ZFP62: variants seen among roughly 807,000 people sequenced by gnomAD.
ZFP62 encodes ZFP62 zinc finger protein, also known as zinc finger protein 62 homolog.
Under a neutral mutation model 56.4 loss-of-function variants are expected in ZFP62, and 44 were observed. The observed-to-expected ratio is 0.78, with a 90% CI of 0.61 to 1.00. The LOEUF (loss-of-function observed/expected upper bound fraction) is 1.00. Ranked by LOEUF, ZFP62 falls within the 50% of genes least tolerant of loss-of-function variation. The probability of loss-of-function intolerance (pLI) is 0.00; values close to 1 mark genes in which losing one functional copy is unlikely to be tolerated. For missense variants in ZFP62, 1,030 were observed against 1,085.7 expected (o/e 0.95, Z 0.72); for synonymous variants, 421 against 388.9 (o/e 1.08, Z -0.97).
the ZFP62 span, among the ~76,000 whole-genome samples, chr5:180,841,982 G>A: frequency 6.6e-6 from 1 of 152,302 alleles, no homozygotes; most frequent in South Asian, 2.1e-4. Context: ...GAAGGCAGAG[G>A]TTGCTGTGAG....
the ZFP62 span, chr5:180,830,450 C>G: frequency 2.6e-5 from 4 of 152,368 alleles, no homozygotes; most frequent in Non-Finnish European, 5.9e-5. Flanking sequence ...GAGTAGGTAA[C>G]AAGATAAAAG....
At chr5:180,840,787 ATTTGTG>A in the ZFP62 span, among the ~76,000 whole-genome samples, 3 of 62,612 alleles carry the variant, frequency 4.8e-5, no homozygotes, top group African/African-American at 1.3e-4. Context: ...AGCTAAAACA[ATTTGTG>A]TGTGTGTGTG....
the ZFP62 span, among the ~76,000 whole-genome samples, chr5:180,839,510 C>T: frequency 1.2e-4 from 18 of 152,074 alleles, no homozygotes; most frequent in Non-Finnish European, 2.2e-4. Context: ...AATGCTGCAA[C>T]GGAAAAACCA....
the ZFP62 span, among the ~76,000 whole-genome samples, chr5:180,833,478 CAAAAAAA>C: frequency 5.2e-5 from 4 of 76,744 alleles, no homozygotes; most frequent in African/African-American, 8.0e-5. Context: ...AACTCTGTCT[CAAAAAAA>C]AAAAAAAAAA....
chr5:180,842,091 A>G, the ZFP62 span, among the ~76,000 whole-genome samples: 2 of 152,208 alleles, frequency 1.3e-5, no homozygotes, highest in Non-Finnish European at 2.9e-5. Flanking sequence ...GAGAAACAGA[A>G]AAACTTAAAT....
chr5:180,843,597 C>T (rs533741524), downstream of ZFP62, among the ~76,000 whole-genome samples: 7 of 152,274 alleles, frequency 4.6e-5, no homozygotes, highest in South Asian at 2.1e-4. Context: ...AAAAGGTTTA[C>T]TTCATAAAAT....
In ZFP62 at chr5:180,849,176, T is replaced by G. The variant is rs756376427; in HGVS notation, c.2319A>C (p.Thr773=). ...GKAFRNSSGL[T]VHKRIHTGEK... ...CACCTGTGTGGATCCTTTTATGCAC[T>G]GTGAGGCCTGAGCTGTTCCTGAAGG... The change falls in exon 2 of 2, where the codon ACA becomes ACC. Residue 773 remains threonine (T), a synonymous_variant. Coordinates refer to ENST00000502412, the MANE Select transcript of ZFP62 (RefSeq NM_001172638.2). 1.3e-6 allele frequency: 2 copies of G among 1,562,480 alleles called. No homozygotes were observed. Among genetic ancestry groups the G allele is most frequent in the African/African-American group, 1.4e-5 (1 of 73,150 alleles).
the ZFP62 span, among the ~76,000 whole-genome samples, chr5:180,828,828 T>C: frequency 1.3e-5 from 2 of 152,214 alleles, no homozygotes; most frequent in Non-Finnish European, 2.9e-5. Context: ...TAAATGGACG[T>C]GCAAGTAGGG....
intron 1 of ZFP62, among the ~76,000 whole-genome samples, chr5:180,858,594 C>T (rs868443013): frequency 2.0e-5 from 3 of 151,852 alleles, no homozygotes; most frequent in Admixed American, 6.6e-5. Flanking sequence ...GGTGACAGAG[C>T]GAGACTCTGT....
rs1386232543 is a variant in ZFP62 at position 180,850,267 on chromosome 5, C to T, written c.1228G>A (p.Val410Ile). Residue 410 changes from valine to isoleucine, a missense_variant, in exon 2 of 2, where the codon GTC becomes ATC. Physicochemically the swap from Val to Ile is conservative, Grantham distance 29. Coordinates refer to ENST00000502412, the MANE Select transcript of ZFP62 (RefSeq NM_001172638.2). ...KAFSYSSGLA[V>I]HKSIHPGKKA... Reference sequence around the variant, plus strand: ...TTCCCAGGGTGAATGCTTTTATGGACTGCGAGGCCTGAGCTATAGCTGAAT... The same window carrying T: ...TTCCCAGGGTGAATGCTTTTATGGATTGCGAGGCCTGAGCTATAGCTGAAT... 1.3e-6 allele frequency: 2 copies of T among 1,554,906 alleles called. No homozygotes were observed. The highest frequency in any genetic ancestry group is 1.2e-5 in the South Asian group (1 of 84,260).
chr5:180,854,103 C>T (rs573019301), intron 1 of ZFP62, among the ~76,000 whole-genome samples: 72 of 152,260 alleles, frequency 4.7e-4, no homozygotes, highest in African/African-American at 1.7e-3. Context: ...ATCTAGTACC[C>T]CATTCTGGGT....
At chr5:180,860,483 G>GGTT (rs1275996277) in intron 1 of ZFP62, 5 of 152,028 alleles carry the variant, frequency 3.3e-5, no homozygotes, top group African/African-American at 1.2e-4. Context: ...GTTCCCGCAG[G>GGTT]CTGTCCCCTG....
the ZFP62 span, among the ~76,000 whole-genome samples, chr5:180,842,526 A>G: frequency 6.6e-6 from 1 of 152,248 alleles, no homozygotes; most frequent in African/African-American, 2.4e-5. Context: ...CAGAGTGGAA[A>G]TCACACTTCA....
Position 180,849,024 on chromosome 5 carries a change from C to G in ZFP62, c.2471G>C (p.Arg824Thr), listed in dbSNP as rs1447222624. 1.3e-6 allele frequency: 2 copies of G among 1,551,996 alleles called. No homozygotes were observed. Among genetic ancestry groups the G allele is most frequent in the Admixed American group, 2.0e-5 (1 of 51,008 alleles). ...NCECGKSFNYRSVLDQHKRIH... is the reference protein window; with the variant it reads ...NCECGKSFNYTSVLDQHKRIH... Reference sequence around the variant, plus strand: ...CCTTTTGTGCTGGTCAAGGACTGATCTATAATTGAAGGATTTCCCACACTC... The same window carrying G: ...CCTTTTGTGCTGGTCAAGGACTGATGTATAATTGAAGGATTTCCCACACTC... Residue 824 changes from arginine (R) to threonine (T), a missense_variant, in exon 2 of 2, where the codon AGA becomes ACA. Physicochemically the swap from Arg to Thr is moderately conservative, Grantham distance 71. Coordinates refer to ENST00000502412, the MANE Select transcript of ZFP62 (RefSeq NM_001172638.2).
the ZFP62 span, among the ~76,000 whole-genome samples, chr5:180,833,606 C>T: frequency 1.3e-5 from 2 of 152,136 alleles, no homozygotes; most frequent in East Asian, 3.9e-4. Context: ...CATGCTGGCA[C>T]CACGATCTCA....
intron 1 of ZFP62, among the ~76,000 whole-genome samples, chr5:180,854,024 TATTTCCTG>T (rs1052064650): frequency 2.6e-4 from 40 of 152,228 alleles, no homozygotes; most frequent in African/African-American, 9.7e-4. Flanking sequence ...TATTTGCATA[TATTTCCTG>T]ATTTCCTAGT....
At chr5:180,861,052 C>T (rs919782209) in intron 1 of ZFP62, among the ~76,000 whole-genome samples, 167 bp downstream of exon 1, 2 of 152,202 alleles carry the variant, frequency 1.3e-5, no homozygotes, top group Non-Finnish European at 2.9e-5. Flanking sequence ...TCTTCCCTCC[C>T]CTCCGCTCCC....
At position 180,859,843 on chromosome 5, in the gene ZFP62, GGTTGA is replaced by G. The variant is rs540274994; in HGVS notation, c.1+1371_1+1375del. On this transcript the variant is annotated intron_variant, in intron 1 of 1. Transcript: ENST00000502412. ...CATATGTAACAATCTGCCAATAACT[GGTTGA>G]GTTAATGTAAAAAAATAATTTTCTA... Among the ~76,000 whole-genome samples the G allele has an allele frequency of 3.7e-3, 569 of 152,326 alleles. 1 individual carries two copies. The highest frequency in any genetic ancestry group is 6.8e-3 in the Middle Eastern group (2 of 294).
chr5:180,852,785 T>C (rs1287068705), intron 1 of ZFP62, among the ~76,000 whole-genome samples: 1 of 152,160 alleles, frequency 6.6e-6, no homozygotes, highest in East Asian at 1.9e-4. Context: ...CTACAAATCA[T>C]ACAGGAAAAC....
Sources: allele counts gnomAD v4.1 joint callset (sites outside exome capture counted in the v4.1 genomes callset), GRCh38; gene constraint gnomAD v4.1.1; transcripts MANE v1.5; gene names NCBI Gene and HGNC (gene_info 2026-07-23, HGNC 2026-07-21).